The following KIZ variants were observed in gnomAD, a reference collection of about 807,000 sequenced individuals.
KIZ encodes centrosomal protein kizuna.
A neutral mutation model predicts 79.6 loss-of-function variants in KIZ; 68 were observed. That is an observed-to-expected ratio of 0.85 (90% confidence interval 0.70 to 1.05). The LOEUF is 1.05. Ranked by LOEUF, KIZ falls within the 50% of genes least tolerant of loss-of-function variation. The pLI is 0.00. For missense variants in KIZ, 797 were observed against 800.4 expected, an observed-to-expected ratio of 1.00 and a Z score of 0.05; for synonymous variants, 280 against 281.8, an observed-to-expected ratio of 0.99 and a Z score of 0.06.
chr20:21,129,250 AG>A (rs972482281), intron 1 of KIZ, among the ~76,000 whole-genome samples: 47 of 152,198 alleles, frequency 3.1e-4, no homozygotes, highest in African/African-American at 1.0e-3. Flanking sequence ...GAAAGCCAAG[AG>A]GAGTTTGATT....
intron 11 of KIZ, among the ~76,000 whole-genome samples, chr20:21,242,605 G>A (rs533902047): frequency 1.4e-4 from 21 of 152,136 alleles, no homozygotes; most frequent in Admixed American, 7.2e-4. Flanking sequence ...CAGACTGGAT[G>A]TGAAGGAAAG....
At chr20:21,130,626 T>C (rs1163296556) in intron 1 of KIZ, among the ~76,000 whole-genome samples, 4 of 152,182 alleles carry the variant, frequency 2.6e-5, no homozygotes, top group Non-Finnish European at 5.9e-5. Flanking sequence ...ATTTTTTTCC[T>C]TTTAATCTTT....
intron 3 of KIZ, among the ~76,000 whole-genome samples, chr20:21,141,814 C>A (rs2032548229): frequency 7.2e-6 from 1 of 139,810 alleles, no homozygotes; most frequent in African/African-American, 3.1e-5. Context: ...CACACACACA[C>A]ACACACACAC....
chr20:21,168,221 T>C (rs947194316), intron 6 of KIZ, among the ~76,000 whole-genome samples: 1 of 152,222 alleles, frequency 6.6e-6, no homozygotes, highest in African/African-American at 2.4e-5. Flanking sequence ...GTTTGCAGTT[T>C]CATCCATGTC....
chr20:21,160,294 C>T (rs2033594042), intron 4 of KIZ, among the ~76,000 whole-genome samples: 1 of 152,118 alleles, frequency 6.6e-6, no homozygotes, highest in South Asian at 2.1e-4. Flanking sequence ...ACAGTGACCA[C>T]CTCTCAGTCA....
chr20:21,180,275 T>G (rs1428216736), intron 6 of KIZ, among the ~76,000 whole-genome samples: 1 of 152,018 alleles, frequency 6.6e-6, no homozygotes, highest in Non-Finnish European at 1.5e-5. Context: ...TCAGGCAGTT[T>G]TTTAAAAAGA....
intron 9 of KIZ, among the ~76,000 whole-genome samples, chr20:21,226,597 G>T (rs980003326): frequency 6.6e-6 from 1 of 152,220 alleles, no homozygotes; most frequent in Non-Finnish European, 1.5e-5. Flanking sequence ...AGCAGTGCTA[G>T]GCGCTCTGCC....
At chr20:21,226,835 T>TGGGCCTCGGTGACTCTCCTTGGAGAA (rs1600595223) in intron 9 of KIZ, among the ~76,000 whole-genome samples, 1 of 152,284 alleles carries the variant, frequency 6.6e-6, no homozygotes, top group East Asian at 1.9e-4. Flanking sequence ...ACTGCCCAGG[T>TGGGCCTCGGTGACTCTCCTTGGAGAA]GGGCCTCGGT....
chr20:21,228,469 A>G (rs1025545682), intron 9 of KIZ, among the ~76,000 whole-genome samples: 4 of 152,090 alleles, frequency 2.6e-5, no homozygotes, highest in Admixed American at 6.5e-5. Flanking sequence ...TTTGCTCTCT[A>G]CAAACCCGTT....
intron 2 of KIZ, 106 bp from the exon 3 acceptor site, chr20:21,136,284 T>C: frequency 1.5e-6 from 1 of 680,312 alleles, no homozygotes; most frequent in South Asian, 2.2e-5. Flanking sequence ...TTGGGTAAAA[T>C]ACCTTAGAAT....
upstream of KIZ, chr20:21,126,066 G>T (rs1300621466): frequency 7.1e-7 from 1 of 1,407,234 alleles, no homozygotes; most frequent in South Asian, 1.4e-5. Context: ...CGGCAACCCC[G>T]GCCGAACGGC....
chr20:21,199,151 A>T (rs1420576033), intron 6 of KIZ, among the ~76,000 whole-genome samples: 1 of 152,178 alleles, frequency 6.6e-6, no homozygotes, highest in Non-Finnish European at 1.5e-5. Context: ...CCCAACTGTG[A>T]TTATGGGTGA....
chr20:21,188,552 G>A (rs1010137250), intron 6 of KIZ, among the ~76,000 whole-genome samples: 2 of 151,472 alleles, frequency 1.3e-5, no homozygotes, highest in Non-Finnish European at 2.9e-5. Flanking sequence ...TTATGATGAG[G>A]AGGAAAGGGA....
At chr20:21,149,286 A>G (rs1276967141) in intron 4 of KIZ, among the ~76,000 whole-genome samples, 2 of 152,200 alleles carry the variant, frequency 1.3e-5, no homozygotes, top group Admixed American at 6.5e-5. Context: ...GGTGAAATAA[A>G]AACAACTTTA....
chr20:21,178,267 A>G (rs1418421196), intron 6 of KIZ, among the ~76,000 whole-genome samples: 1 of 151,972 alleles, frequency 6.6e-6, no homozygotes, highest in East Asian at 1.9e-4. Context: ...AATGTTTTGT[A>G]GTTTTTAGCA....
At chr20:21,152,524 T>C (rs112813303) in intron 4 of KIZ, among the ~76,000 whole-genome samples, 354 of 152,318 alleles carry the variant, frequency 2.3e-3, no homozygotes, top group African/African-American at 8.0e-3. Context: ...AGTTTTATCC[T>C]GAGTTACCCT....
Position 21,246,609 on chromosome 20 carries a change from T to A in KIZ, c.*33T>A. On this transcript the variant is annotated 3_prime_UTR_variant, in exon 13 of 13. Transcript: ENST00000619189. ...TGACATTGGTTTCAAATAAAGTCTT[T>A]AAACAAACTAAAATCCTGTGTTAAT... is the stretch of plus-strand genomic sequence containing the variant. 1 of 1,214,760 alleles carries A rather than the reference T, an allele frequency of 8.2e-7. No homozygotes were observed. The highest frequency in any genetic ancestry group is 1.2e-6 in the Non-Finnish European group (1 of 831,078). 75.2% of individuals were successfully genotyped at this position (1,214,760 alleles called of 1,614,324 possible).
chr20:21,168,089 G>A (rs1338057921), intron 6 of KIZ, among the ~76,000 whole-genome samples: 1 of 151,828 alleles, frequency 6.6e-6, no homozygotes, highest in African/African-American at 2.4e-5. Context: ...CCCCACAACA[G>A]GCCCCGGTGT....
At chr20:21,180,487 C>T (rs943309392) in intron 6 of KIZ, among the ~76,000 whole-genome samples, 1 of 151,992 alleles carries the variant, frequency 6.6e-6, no homozygotes, top group Non-Finnish European at 1.5e-5. Context: ...AGCATAGAGC[C>T]GACTTCAGCC....
Sources: gnomAD v4.1 joint callset for allele counts (sites outside exome capture counted in the v4.1 genomes callset) on GRCh38, gnomAD v4.1.1 for gene constraint, MANE v1.5 for transcripts, NCBI Gene and HGNC (gene_info 2026-07-23, HGNC 2026-07-21) for gene names.